The following ADAMTS6 variants were observed in gnomAD, a reference collection of about 807,000 sequenced individuals.
ADAMTS6 encodes the protein A disintegrin and metalloproteinase with thrombospondin motifs 6.
In ADAMTS6, 23 loss-of-function variants were observed where a neutral mutation model predicts 144.3. That is an observed-to-expected ratio of 0.16 (90% CI 0.11 to 0.23). The LOEUF is 0.23. ADAMTS6 is among the 10% of genes least tolerant of loss of function. The probability of loss-of-function intolerance (pLI) is 1.00; values close to 1 mark genes in which losing one functional copy is unlikely to be tolerated. For synonymous variants in ADAMTS6, 444 were observed against 457.5 expected, an observed-to-expected ratio of 0.97 and a Z score of 0.38; for missense variants, 999 against 1,379.6, an observed-to-expected ratio of 0.72 and a Z score of 4.37.
chr5:65,212,747 C>T (rs950643912), intron 20 of ADAMTS6, among the ~76,000 whole-genome samples: 3 of 152,122 alleles, frequency 2.0e-5, no homozygotes, highest in African/African-American at 7.2e-5. Flanking sequence ...AAAGATGAAG[C>T]GGCTCTAAGA....
intron 20 of ADAMTS6, among the ~76,000 whole-genome samples, chr5:65,211,987 T>C (rs1377074070): frequency 6.6e-6 from 1 of 152,090 alleles, no homozygotes; most frequent in Non-Finnish European, 1.5e-5. Flanking sequence ...ATTCCACGTG[T>C]CTAGAGTGCT....
At chr5:65,351,408 A>AT (rs11437982) in intron 7 of ADAMTS6, among the ~76,000 whole-genome samples, 85,582 of 152,048 alleles carry the variant, frequency 0.56, 25,236 homozygotes, top group African/African-American at 0.74. Context: ...TAAGTTTAAA[A>AT]TTCCCAGAAT....
At chr5:65,204,304 A>T (rs758320001) in intron 20 of ADAMTS6, among the ~76,000 whole-genome samples, 14 of 152,246 alleles carry the variant, frequency 9.2e-5, no homozygotes, top group Non-Finnish European at 1.8e-4. Flanking sequence ...AATGAAAATT[A>T]TTATAGATAA....
intron 20 of ADAMTS6, among the ~76,000 whole-genome samples, chr5:65,212,134 T>C (rs2112995): frequency 0.67 from 102,140 of 152,066 alleles, 35,096 homozygotes; most frequent in African/African-American, 0.82. Flanking sequence ...TGTAATGGGG[T>C]GCTCAAATTA....
intron 7 of ADAMTS6, among the ~76,000 whole-genome samples, chr5:65,367,163 C>A (rs1750379171): frequency 6.6e-6 from 1 of 152,200 alleles, no homozygotes; most frequent in South Asian, 2.1e-4. Context: ...TAACAGCTCA[C>A]TATTCCTCTT....
At chr5:65,253,069 G>A (rs987162591) in intron 14 of ADAMTS6, among the ~76,000 whole-genome samples, 2 of 151,756 alleles carry the variant, frequency 1.3e-5, no homozygotes, top group African/African-American at 4.8e-5. Context: ...TGTATTTTTT[G>A]TAGAGATGGT....
intron 3 of ADAMTS6, among the ~76,000 whole-genome samples, chr5:65,468,134 CA>C (rs1434667092): frequency 6.6e-6 from 1 of 152,040 alleles, no homozygotes; most frequent in Non-Finnish European, 1.5e-5. Context: ...ATGAAGCTGA[CA>C]GACTATAATG....
At chr5:65,430,154 T>C (rs1417760719) in intron 7 of ADAMTS6, among the ~76,000 whole-genome samples, 1 of 134,234 alleles carries the variant, frequency 7.4e-6, no homozygotes, top group African/African-American at 2.8e-5. Flanking sequence ...AACAATAAAA[T>C]TATCTTTGTT....
chr5:65,155,233 AT>A (rs1484828631), intron 24 of ADAMTS6, among the ~76,000 whole-genome samples: 16 of 152,188 alleles, frequency 1.1e-4, no homozygotes, highest in Non-Finnish European at 7.4e-5. Context: ...ATAAACATAT[AT>A]TATATATATA....
chr5:65,291,001 G>A (rs1441601039), intron 11 of ADAMTS6, among the ~76,000 whole-genome samples: 1 of 152,026 alleles, frequency 6.6e-6, no homozygotes, highest in Non-Finnish European at 1.5e-5. Context: ...TCAGAAAAGT[G>A]GCAGAGGGAT....
chr5:65,328,677 A>T (rs925168045), intron 9 of ADAMTS6, among the ~76,000 whole-genome samples: 40 of 138,820 alleles, frequency 2.9e-4, no homozygotes, highest in African/African-American at 3.4e-4. Context: ...TGAAATTTTA[A>T]AAAAAAAGTA....
chr5:65,415,740 T>C (rs1027391773), intron 7 of ADAMTS6: 1 of 235,088 alleles, frequency 4.3e-6, no homozygotes. Context: ...CTGGGGACTA[T>C]AATGGCCAGG....
intron 7 of ADAMTS6, among the ~76,000 whole-genome samples, chr5:65,436,158 G>A (rs553256261): frequency 2.1e-4 from 32 of 152,066 alleles, no homozygotes; most frequent in African/African-American, 7.5e-4. Flanking sequence ...TGAAGAGCTC[G>A]AGACCAACCT....
intron 7 of ADAMTS6, among the ~76,000 whole-genome samples, chr5:65,343,512 C>T (rs1046240137): frequency 2.0e-5 from 3 of 152,028 alleles, no homozygotes; most frequent in Non-Finnish European, 2.9e-5. Context: ...TGAAACCAGA[C>T]CCCCACTTCT....
chr5:65,252,058 C>T (rs1760209063), intron 14 of ADAMTS6, among the ~76,000 whole-genome samples: 1 of 152,176 alleles, frequency 6.6e-6, no homozygotes, highest in South Asian at 2.1e-4. Flanking sequence ...CCTATGTTGA[C>T]TCTAGGTCCT....
At chr5:65,419,011 C>G (rs1755790053) in intron 7 of ADAMTS6, among the ~76,000 whole-genome samples, 1 of 152,078 alleles carries the variant, frequency 6.6e-6, no homozygotes, top group Non-Finnish European at 1.5e-5. Context: ...GAACTTGAAA[C>G]CGAATTACCA....
intron 7 of ADAMTS6, among the ~76,000 whole-genome samples, chr5:65,395,706 T>C (rs1753278728): frequency 1.3e-5 from 2 of 152,224 alleles, no homozygotes; most frequent in African/African-American, 4.8e-5. Context: ...TATCCTGTAC[T>C]TAATGGGCTG....
chr5:65,479,235 T>C (rs1761042985), intron 1 of ADAMTS6, among the ~76,000 whole-genome samples: 1 of 152,196 alleles, frequency 6.6e-6, no homozygotes, highest in African/African-American at 2.4e-5. Flanking sequence ...CTCTCACATT[T>C]ATTATCACCT....
intron 3 of ADAMTS6, among the ~76,000 whole-genome samples, chr5:65,464,385 C>T (rs1303218413): frequency 6.6e-6 from 1 of 152,060 alleles, no homozygotes; most frequent in Non-Finnish European, 1.5e-5. Flanking sequence ...CACAATTTCA[C>T]AATTAGTGAT....
Sources: gnomAD v4.1 joint callset for allele counts (sites outside exome capture counted in the v4.1 genomes callset) on GRCh38, gnomAD v4.1.1 for gene constraint, MANE v1.5 for transcripts, NCBI Gene and HGNC (gene_info 2026-07-23, HGNC 2026-07-21) for gene names.